ROBO1: variants seen among roughly 807,000 people sequenced by gnomAD.
ROBO1 encodes the protein roundabout guidance receptor 1, also known as roundabout homolog 1.
Under a neutral mutation model 195.9 loss-of-function variants are expected in ROBO1, and 149 were observed. The observed-to-expected ratio is 0.76, with a 90% CI of 0.67 to 0.87. ROBO1 has a LOEUF of 0.87. Ranked by LOEUF, ROBO1 falls within the 40% of genes least tolerant of loss-of-function variation. The pLI, the probability that ROBO1 is intolerant of heterozygous loss-of-function variation, is 0.00. For missense variants in ROBO1, 1,933 were observed against 2,068.3 expected, an observed-to-expected ratio of 0.93 and a Z score of 1.27; for synonymous variants, 816 against 733.2, an observed-to-expected ratio of 1.11 and a Z score of -1.82.
chr3:79,756,858 C>T (rs1704432747), intron 1 of ROBO1, among the ~76,000 whole-genome samples: 1 of 152,158 alleles, frequency 6.6e-6, no homozygotes, highest in Non-Finnish European at 1.5e-5. Context: ...TACTTTGTAT[C>T]TCTGTGACTT....
chr3:79,540,409 T>C lies in ROBO1; in HGVS notation c.88+49415A>G, dbSNP rs563397798. ...ATAGGTTACATTCAATCCAAACTAA[T>C]GGTGAATGTTTTGCAGGGTTTTGGC... On this transcript the variant is annotated intron_variant, in intron 2 of 30. Transcript: ENST00000464233. Among the ~76,000 whole-genome samples, 22 of 152,246 alleles carry C rather than the reference T, an allele frequency of 1.4e-4. No individual in the cohort carries two copies. The South Asian group carries it at 4.1e-3, about 29-fold the overall frequency.
At chr3:79,401,284 C>T (rs1003188110) in intron 2 of ROBO1, among the ~76,000 whole-genome samples, 3 of 151,652 alleles carry the variant, frequency 2.0e-5, no homozygotes, top group Admixed American at 6.6e-5. Context: ...GGATCTAAGA[C>T]GTGTGGCTAA....
At chr3:78,631,128 C>A (rs375782885) in intron 25 of ROBO1, 33 bp downstream of exon 25, 1 of 1,591,406 alleles carries the variant, frequency 6.3e-7, no homozygotes, top group African/African-American at 1.3e-5. Flanking sequence ...AATCATATTA[C>A]ACTGTTTACA....
At chr3:79,661,369 C>T (rs537342743) in intron 1 of ROBO1, among the ~76,000 whole-genome samples, 3 of 152,066 alleles carry the variant, frequency 2.0e-5, no homozygotes, top group African/African-American at 4.8e-5. Context: ...GGTCAGCTTC[C>T]GAGGGAAAAT....
At chr3:79,733,205 G>T (rs1703228806) in intron 1 of ROBO1, among the ~76,000 whole-genome samples, 1 of 151,962 alleles carries the variant, frequency 6.6e-6, no homozygotes, top group South Asian at 2.1e-4. Context: ...ATCTAGATTG[G>T]ACTCCCATTA....
chr3:78,632,099 A>C (rs1705220748), intron 24 of ROBO1, among the ~76,000 whole-genome samples: 1 of 152,164 alleles, frequency 6.6e-6, no homozygotes, highest in Admixed American at 6.5e-5. Flanking sequence ...TCCCCTTTCC[A>C]ATATGTTATA....
intron 10 of ROBO1, among the ~76,000 whole-genome samples, chr3:78,678,525 T>C (rs1308331110): frequency 1.3e-4 from 19 of 151,942 alleles, no homozygotes; most frequent in African/African-American, 1.9e-4. Flanking sequence ...TACAAACTAC[T>C]ATCAGAGAAT....
At chr3:79,256,625 TTCTG>T (rs1420997143) in intron 2 of ROBO1, among the ~76,000 whole-genome samples, 1 of 152,152 alleles carries the variant, frequency 6.6e-6, no homozygotes, top group African/African-American at 2.4e-5. Context: ...TTCATCTAAA[TTCTG>T]TCATCAAGAT....
intron 2 of ROBO1, among the ~76,000 whole-genome samples, chr3:79,261,271 C>A (rs1163107236): frequency 6.6e-6 from 1 of 151,908 alleles, no homozygotes; most frequent in African/African-American, 2.4e-5. Context: ...TGTAGAAGAA[C>A]AGCTGTAAAA....
chr3:78,896,658 C>CAAAAAAAAAA (rs142287501), intron 4 of ROBO1, among the ~76,000 whole-genome samples: 3 of 65,922 alleles, frequency 4.6e-5, no homozygotes, highest in African/African-American at 1.3e-4. Context: ...TTGTTGCTCA[C>CAAAAAAAAAA]AAAAAAAAAA....
At position 79,451,108 on chromosome 3, in the gene ROBO1, G is replaced by T. The variant is rs1260977321; in HGVS notation, c.88+138716C>A. On this transcript the variant is annotated intron_variant, in intron 2 of 30. Coordinates refer to ENST00000464233, the MANE Select transcript of ROBO1 (RefSeq NM_002941.4). ...ACTTTATATGACATATTTTACCGTA[G>T]ACTTAAAATGAATAGCAGCCATTTG... 2.0e-5 allele frequency among the ~76,000 whole-genome samples: 3 copies of T among 151,580 alleles called. No homozygotes were observed. The East Asian group carries it at 5.8e-4, about 29-fold the overall frequency.
intron 2 of ROBO1, among the ~76,000 whole-genome samples, chr3:79,510,087 T>C (rs1940622764): frequency 6.6e-6 from 1 of 152,080 alleles, no homozygotes; most frequent in Non-Finnish European, 1.5e-5. Context: ...CTTAAGAATG[T>C]ATATCTAGGA....
At chr3:78,772,679 C>A (rs1055488258) in intron 4 of ROBO1, among the ~76,000 whole-genome samples, 6 of 151,952 alleles carry the variant, frequency 3.9e-5, no homozygotes, top group African/African-American at 1.5e-4. Flanking sequence ...TCATATATAA[C>A]TATACATGTG....
chr3:79,062,691 C>T (rs1417240837), intron 3 of ROBO1, among the ~76,000 whole-genome samples: 1 of 151,484 alleles, frequency 6.6e-6, no homozygotes, highest in Admixed American at 6.6e-5. Flanking sequence ...AGTTCTTGTC[C>T]TTTGCAGGGA....
chr3:79,044,649 T>C (rs888795922), intron 3 of ROBO1, among the ~76,000 whole-genome samples: 2 of 152,026 alleles, frequency 1.3e-5, no homozygotes, highest in Non-Finnish European at 2.9e-5. Context: ...TGGGAGTTAG[T>C]ATGGAAATTG....
At chr3:79,624,366 A>G (rs1216791820) in intron 1 of ROBO1, among the ~76,000 whole-genome samples, 1 of 152,200 alleles carries the variant, frequency 6.6e-6, no homozygotes, top group Non-Finnish European at 1.5e-5. Context: ...TTGAATGTAA[A>G]TGAGCTAAAC....
In ROBO1 at chr3:78,629,727, C is replaced by G. The variant is rs535407160; in HGVS notation, c.3626+1434G>C. ...TTTTCATTACTTGCAGATTCCATATCTGCAAATTCGCTGACTTGGTGTAAT... is the reference window on the plus strand; with the variant it reads ...TTTTCATTACTTGCAGATTCCATATGTGCAAATTCGCTGACTTGGTGTAAT... On this transcript the variant is annotated intron_variant, in intron 25 of 30. Transcript: ENST00000464233. Among the ~76,000 whole-genome samples, 13 of 152,228 alleles carry G rather than the reference C, an allele frequency of 8.5e-5. No homozygotes were observed. The South Asian group carries it at 2.7e-3, about 32-fold the overall frequency.
At chr3:78,867,161 G>A (rs559050424) in intron 4 of ROBO1, among the ~76,000 whole-genome samples, 46 of 152,204 alleles carry the variant, frequency 3.0e-4, no homozygotes, top group South Asian at 2.1e-3. Flanking sequence ...TGAAGGGATC[G>A]TTTCTTTACC....
Position 79,429,125 on chromosome 3 carries a change from C to T in ROBO1, c.88+160699G>A, listed in dbSNP as rs955443219. Among the ~76,000 whole-genome samples the T allele has an allele frequency of 7.9e-5, 12 of 152,166 alleles. No individual in the cohort carries two copies. In the South Asian group the frequency reaches 2.3e-3, roughly 29 times the overall value. Reference sequence around the variant, plus strand: ...CTGTATGTAAATTGTATCTAGATAACCTGACTTGAAAGATGAAACTAGAAA... The same window carrying T: ...CTGTATGTAAATTGTATCTAGATAATCTGACTTGAAAGATGAAACTAGAAA... On this transcript the variant is annotated intron_variant, in intron 2 of 30. Coordinates refer to ENST00000464233, the MANE Select transcript of ROBO1 (RefSeq NM_002941.4).
Sources: gnomAD v4.1 joint callset for allele counts (sites outside exome capture counted in the v4.1 genomes callset) on GRCh38, gnomAD v4.1.1 for gene constraint, MANE v1.5 for transcripts, NCBI Gene and HGNC (gene_info 2026-07-23, HGNC 2026-07-21) for gene names.